The following NOTCH1 variants were observed in gnomAD, a reference collection of about 807,000 sequenced individuals.
NOTCH1 encodes the protein notch receptor 1.
Under a neutral mutation model 254.8 loss-of-function variants are expected in NOTCH1, and 37 were observed. The ratio of observed to expected loss-of-function variants is 0.15; its 90% CI spans 0.11 to 0.19. NOTCH1 has a LOEUF of 0.19. Ranked by LOEUF, NOTCH1 falls within the 10% of genes least tolerant of loss-of-function variation. The pLI is 1.00. For missense variants in NOTCH1, 2,972 were observed against 3,708.6 expected, an observed-to-expected ratio of 0.80 and a Z score of 5.16; for synonymous variants, 1,731 against 1,618.1, an observed-to-expected ratio of 1.07 and a Z score of -1.68.
In NOTCH1 at chr9:136,496,207, G is replaced by T. The variant is rs2133314336; in HGVS notation, c.7532C>A (p.Thr2511Asn). ...QLQVPEHPFL[T>N]PSPESPDQWS... ...CTGGTCAGGGGACTCAGGGGACGGG[G>T]TGAGGAAGGGGTGCTCAGGCACCTG... is the stretch of plus-strand genomic sequence containing the variant. Residue 2511 changes from threonine (T) to asparagine (N), a missense_variant, in exon 34 of 34, where the codon ACC becomes AAC. Around this residue, in one of 8 missense-constraint regions of NOTCH1, gnomAD observed 85 missense variants for 126.1 expected, o/e 0.67. Coordinates refer to ENST00000651671, the MANE Select transcript of NOTCH1 (RefSeq NM_017617.5). 1 of 1,609,674 alleles carries T rather than the reference G, an allele frequency of 6.2e-7. No homozygotes were observed.
Position 136,505,030 on chromosome 9 carries a change from C to T in NOTCH1, c.4661G>A (p.Cys1554Tyr), listed in dbSNP as rs1204612954. The change falls in exon 26 of 34, where the codon TGC becomes TAC. Residue 1554 changes from cysteine (C) to tyrosine (Y), a missense_variant. By Grantham distance (194) the Cys-to-Tyr change is radical. Around this residue, in one of 8 missense-constraint regions of NOTCH1, gnomAD observed 1,343 missense variants for 1,557.0 expected, o/e 0.86. Transcript: ENST00000651671. Reference sequence around the variant, plus strand: ...CGCACAGTCCAGCCCGTCCCACTCGCACTCCGCGCTGTTGCAGCCCTGGTC... The same window carrying T: ...CGCACAGTCCAGCCCGTCCCACTCGTACTCCGCGCTGTTGCAGCCCTGGTC... ...HCDQGCNSAE[C>Y]EWDGLDCAEH... 2 of 1,609,076 alleles carry T rather than the reference C, an allele frequency of 1.2e-6. No individual in the cohort carries two copies. Among genetic ancestry groups the T allele is most frequent in the East Asian group, 2.2e-5 (1 of 44,792 alleles).
Position 136,496,875 on chromosome 9 carries a change from G to A in NOTCH1, c.6864C>T (p.Ser2288=), listed in dbSNP as rs769067616. ...VASGTSTVLG[S]SSGGALNFTV... ...TGAAATTCAGGGCCCCTCCGCTGCT[G>A]GAGCCCAGGACGGTGCTGGTGCCAG... The change falls in exon 34 of 34, where the codon TCC becomes TCT. Residue 2288 remains serine, a synonymous_variant. Coordinates refer to ENST00000651671, the MANE Select transcript of NOTCH1 (RefSeq NM_017617.5). 6 of 1,612,912 alleles carry A rather than the reference G, an allele frequency of 3.7e-6. No individual in the cohort carries two copies. Among genetic ancestry groups the A allele is most frequent in the Non-Finnish European group, 1.7e-6 (2 of 1,180,000 alleles).
chr9:136,525,860 C>T (rs1843451424), intron 2 of NOTCH1, among the ~76,000 whole-genome samples: 1 of 152,268 alleles, frequency 6.6e-6, no homozygotes, highest in Non-Finnish European at 1.5e-5. Context: ...TCCCCGAAGG[C>T]TTTTACCCGT....
At chr9:136,522,312 A>G (rs574184762) in intron 4 of NOTCH1, among the ~76,000 whole-genome samples, 43 of 152,310 alleles carry the variant, frequency 2.8e-4, no homozygotes, top group Non-Finnish European at 5.3e-4. Flanking sequence ...CCTTATTTTT[A>G]GAGCTGCTGC....
intron 2 of NOTCH1, chr9:136,543,410 C>G (rs543808320): frequency 3.9e-6 from 1 of 254,408 alleles, no homozygotes; most frequent in African/African-American, 2.4e-5. Flanking sequence ...GCATCACGCA[C>G]CCAGAGGAGG....
At chr9:136,516,922 A>G (rs3125007) in intron 9 of NOTCH1, among the ~76,000 whole-genome samples, 67,145 of 150,146 alleles carry the variant, frequency 0.45, 16,504 homozygotes, top group East Asian at 0.85. Context: ...CCCCCCTCAG[A>G]AGGCCGGGGT....
intron 9 of NOTCH1, among the ~76,000 whole-genome samples, chr9:136,516,647 C>T (rs1843277567): frequency 6.6e-6 from 1 of 152,204 alleles, no homozygotes; most frequent in Non-Finnish European, 1.5e-5. Context: ...GCCTCCCTCC[C>T]AGCATCGAGC....
intron 18 of NOTCH1, 88 bp downstream of exon 18, chr9:136,509,642 CGGA>C: frequency 8.4e-7 from 1 of 1,192,188 alleles, no homozygotes; most frequent in Non-Finnish European, 1.2e-6. Flanking sequence ...CCGGCCTAGG[CGGA>C]CGCCTGCATG....
At chr9:136,519,643 T>C in intron 4 of NOTCH1, 78 bp from the exon 5 acceptor site, 1 of 1,606,660 alleles carries the variant, frequency 6.2e-7, no homozygotes, top group African/African-American at 1.3e-5. Flanking sequence ...CACACTGCTC[T>C]GGACACAAGA....
In NOTCH1 at chr9:136,538,498, G is replaced by A. The variant is rs546543708; in HGVS notation, c.140+5526C>T. On this transcript the variant is annotated intron_variant, in intron 2 of 33. Transcript: ENST00000651671. ...CTGCTTCACAGCCCCTCGGAGCTCCGGGCCCCACAGGAGAAAGCGCCAGCG... is the reference window on the plus strand; with the variant it reads ...CTGCTTCACAGCCCCTCGGAGCTCCAGGCCCCACAGGAGAAAGCGCCAGCG... 3.9e-5 allele frequency among the ~76,000 whole-genome samples: 6 copies of A among 152,370 alleles called. No individual in the cohort carries two copies. In the East Asian group the frequency reaches 9.6e-4, roughly 24 times the overall value.
intron 2 of NOTCH1, among the ~76,000 whole-genome samples, chr9:136,534,429 G>A (rs1000837459): frequency 1.4e-4 from 21 of 152,268 alleles, no homozygotes; most frequent in Non-Finnish European, 4.4e-5. Context: ...GAGCAAGGTC[G>A]GGGCGTGTCA....
Position 136,504,659 on chromosome 9 carries a change from CG to C in NOTCH1, c.5018+13del, listed in dbSNP as rs773773807. 2.7e-6 allele frequency: 4 copies of C among 1,496,310 alleles called. No individual in the cohort carries two copies. The African/African-American group carries it at 5.6e-5, about 21-fold the overall frequency. 92.7% of individuals were successfully genotyped at this position (1,496,310 alleles called of 1,614,324 possible). On this transcript the variant is annotated intron_variant, in intron 26 of 33. Transcript: ENST00000651671. ...AGTTGCGGGGATTGACCGTGGGCGC[CG>C]GGTCTCACTCACCCGCGGACGTCCA...
At position 136,515,343 on chromosome 9, in the gene NOTCH1, G is replaced by A. The variant is rs765651994; in HGVS notation, c.1961C>T (p.Thr654Ile). The change falls in exon 12 of 34, where the codon ACC becomes ATC. Residue 654 changes from threonine (T) to isoleucine (I), a missense_variant. By Grantham distance (89) the Thr-to-Ile change is moderately conservative (BLOSUM62 -1). This residue lies in a region of NOTCH1 where 1,343 missense variants were observed against 1,557.0 expected (regional missense o/e 0.86). Transcript: ENST00000651671. ...DCASSPCDSGTCLDKIDGYEC... is the reference protein window; with the variant it reads ...DCASSPCDSGICLDKIDGYEC... ...GTAGCCATCGATCTTGTCCAGACAG[G>A]TGCCCGAGTCGCAGGGGCTGCTGGC... 1 of 1,613,086 alleles carries A rather than the reference G, an allele frequency of 6.2e-7. No homozygotes were observed. Among genetic ancestry groups the A allele is most frequent in the Non-Finnish European group, 8.5e-7 (1 of 1,180,002 alleles).
At chr9:136,526,798 T>A (rs1474913394) in intron 2 of NOTCH1, among the ~76,000 whole-genome samples, 8 of 152,112 alleles carry the variant, frequency 5.3e-5, no homozygotes, top group Non-Finnish European at 5.9e-5. Context: ...ACACGCCCCA[T>A]AAATCAGGCG....
chr9:136,499,269 A>G lies in NOTCH1; in HGVS notation c.5935-10T>C, dbSNP rs2133323303. The G allele has an allele frequency of 6.2e-7, 1 of 1,612,162 alleles. No individual in the cohort carries two copies. Among genetic ancestry groups the G allele is most frequent in the Non-Finnish European group, 8.5e-7 (1 of 1,179,970 alleles). On this transcript the variant is annotated splice_polypyrimidine_tract_variant and intron_variant, in intron 31 of 33. Coordinates refer to ENST00000651671, the MANE Select transcript of NOTCH1 (RefSeq NM_017617.5). ...GGTTCCGGATCAGGATCTGGGCAAC[A>G]GGGAGAGGCTCAGGCGGGTGCTGGG...
At position 136,514,644 on chromosome 9, in the gene NOTCH1, G is replaced by A. The variant is rs1589065568; in HGVS notation, c.2073C>T (p.Gly691=). Residue 691 remains glycine (G), a synonymous_variant, in exon 13 of 34, where the codon GGC becomes GGT. Transcript: ENST00000651671. The part of the protein sequence containing the change: ...ECAGNPCHNG[G]TCEDGINGFT... ...AGCCATTGATGCCGTCCTCGCAGGT[G>A]CCCCCGTTGTGGCAGGGGTTGCCCG... 1.9e-6 allele frequency: 3 copies of A among 1,612,544 alleles called. No homozygotes were observed. In the East Asian group the frequency reaches 6.7e-5, roughly 36 times the overall value.
chr9:136,540,387 C>T lies in NOTCH1; in HGVS notation c.140+3637G>A, dbSNP rs1843716283. Among the ~76,000 whole-genome samples, 1 of 152,148 alleles carries T rather than the reference C, an allele frequency of 6.6e-6. No individual in the cohort carries two copies. The highest frequency in any genetic ancestry group is 2.4e-5 in the African/African-American group (1 of 41,432). On this transcript the variant is annotated intron_variant, in intron 2 of 33. Transcript: ENST00000651671. The surrounding 1 kb of genome is among the most constrained non-coding windows in gnomAD (Gnocchi z 4.4). The stretch of plus-strand genomic sequence containing the variant: ...GAGCCATCCTGGGAGATGGACTTCC[C>T]CAGAGCCGGCAAGTCCCTCCCCAGG...
rs1275981466 is a variant in NOTCH1, at chr9:136,506,936, G to C, written c.3681C>G (p.Pro1227=). 1.9e-6 allele frequency: 3 copies of C among 1,611,292 alleles called. No individual in the cohort carries two copies. The highest frequency in any genetic ancestry group is 2.5e-6 in the Non-Finnish European group (3 of 1,179,340). Reference sequence around the variant, plus strand: ...GGCTCCGGGACACGGGGTCAACGGGGGGATTGCAGTCGTCCACGTTGATCT... The same window carrying C: ...GGCTCCGGGACACGGGGTCAACGGGCGGATTGCAGTCGTCCACGTTGATCT... The part of the protein sequence containing the change: ...HCEINVDDCN[P]PVDPVSRSPK... The change falls in exon 23 of 34, where the codon CCC becomes CCG. Residue 1227 remains proline (P), a synonymous_variant. Transcript: ENST00000651671. This position sits in a 1 kb window ranked among gnomAD's most constrained non-coding sequence, Gnocchi z 4.5.
chr9:136,509,764 A>T lies in NOTCH1; in HGVS notation c.2938T>A (p.Cys980Ser). 6.2e-7 allele frequency: 1 copy of T among 1,613,048 alleles called. No individual in the cohort carries two copies. The highest frequency in any genetic ancestry group is 8.5e-7 in the Non-Finnish European group (1 of 1,179,996). ...GTGCAGTCAGGCGTGTTGTTCTCAC[A>T]GTGGATCCCGCTGAAGCCTGCGGGG... ...TCPAGFSGIH[C>S]ENNTPDCTES... is the part of the protein sequence containing the mutation. The change falls in exon 18 of 34, where the codon TGT becomes AGT. Residue 980 changes from cysteine (C) to serine (S), a missense_variant. Cys to Ser is a moderately radical substitution (Grantham distance 112). This residue lies in a region of NOTCH1 where 1,343 missense variants were observed against 1,557.0 expected (regional missense o/e 0.86). Coordinates refer to ENST00000651671, the MANE Select transcript of NOTCH1 (RefSeq NM_017617.5).
Sources: gnomAD v4.1 joint callset for allele counts (sites outside exome capture counted in the v4.1 genomes callset) on GRCh38, gnomAD v4.1.1 for gene constraint, gnomAD v4.1.1 regional missense constraint, Gnocchi (gnomAD v3.1) non-coding constraint, MANE v1.5 for transcripts, NCBI Gene and HGNC (gene_info 2026-07-23, HGNC 2026-07-21) for gene names.